The following PRKG1 variants were observed in gnomAD, a reference collection of about 807,000 sequenced individuals.
PRKG1 encodes the protein protein kinase cGMP-dependent 1, also known as cGMP-dependent protein kinase 1.
A neutral mutation model predicts 88.1 loss-of-function variants in PRKG1; 35 were observed. The observed-to-expected ratio is 0.40, with a 90% CI of 0.30 to 0.53. The LOEUF (loss-of-function observed/expected upper bound fraction) is 0.53, where lower values mean the gene tolerates loss of function less well. PRKG1 is among the 20% of genes least tolerant of loss of function. The pLI, the probability that PRKG1 is intolerant of heterozygous loss-of-function variation, is 0.59. For synonymous variants in PRKG1, 303 were observed against 292.5 expected, an observed-to-expected ratio of 1.04 and a Z score of -0.37; for missense variants, 540 against 839.8, an observed-to-expected ratio of 0.64 and a Z score of 4.41.
chr10:51,400,625 G>A (rs1837711842), intron 2 of PRKG1, among the ~76,000 whole-genome samples: 1 of 152,184 alleles, frequency 6.6e-6, no homozygotes, highest in South Asian at 2.1e-4. Context: ...TGTAACTATA[G>A]TGAAAAATAA....
At chr10:51,211,299 A>G (rs996152465) in intron 2 of PRKG1, among the ~76,000 whole-genome samples, 3 of 152,204 alleles carry the variant, frequency 2.0e-5, no homozygotes, top group South Asian at 2.1e-4. Flanking sequence ...TAAATTAGGT[A>G]TTGATGGGAC....
chr10:52,183,544 G>A (rs1418727872), intron 9 of PRKG1, among the ~76,000 whole-genome samples: 1 of 152,170 alleles, frequency 6.6e-6, no homozygotes, highest in Non-Finnish European at 1.5e-5. Flanking sequence ...TACCGTCCAG[G>A]GCCAGAGTCA....
chr10:51,352,735 C>T (rs748825743), intron 2 of PRKG1, among the ~76,000 whole-genome samples: 12 of 151,884 alleles, frequency 7.9e-5, no homozygotes, highest in Admixed American at 1.3e-4. Flanking sequence ...ATACTAATGC[C>T]GTCCTTCATA....
chr10:51,804,814 G>C lies in PRKG1; in HGVS notation c.698+124G>C, dbSNP rs1228671076. ...CTCTCAGTCATAATAGTCTACAAAT[G>C]TGTAGAGATGTAAGACTTCGAACAT... is the stretch of plus-strand genomic sequence containing the variant. On this transcript the variant is annotated intron_variant, in intron 4 of 17. Coordinates refer to ENST00000373980, the MANE Select transcript of PRKG1 (RefSeq NM_006258.4). 19 of 638,476 alleles carry C rather than the reference G, an allele frequency of 3.0e-5. No homozygotes were observed. The Admixed American group carries it at 5.7e-4, about 19-fold the overall frequency. The allele number at this position is 638,476 out of a possible 1,614,324, so 39.6% of individuals were successfully genotyped here. A position where few individuals can be genotyped will look rare whatever the true frequency, so the allele number is the denominator to read the frequency against.
intron 2 of PRKG1, among the ~76,000 whole-genome samples, chr10:51,379,487 C>A (rs1842878077): frequency 6.6e-6 from 1 of 152,296 alleles, no homozygotes; most frequent in African/African-American, 2.4e-5. Flanking sequence ...AAATGAACAT[C>A]TTTCCAATTA....
chr10:51,034,669 TATATATATATA>T lies in PRKG1; in HGVS notation c.266+43026_266+43036del, dbSNP rs1257373198. ...GCAAAATTATATATAATATGTTATTTATATATATATATATATATATATATATATATATATAT... is the reference window on the plus strand; with the variant it reads ...GCAAAATTATATATAATATGTTATTTTATATATATATATATATATATATAT... On this transcript the variant is annotated intron_variant, in intron 1 of 17. Transcript: ENST00000401604. Among the ~76,000 whole-genome samples the T allele has an allele frequency of 8.0e-3, 235 of 29,216 alleles. 10 individuals are homozygous for T. The highest frequency in any genetic ancestry group is 0.015 in the African/African-American group (210 of 13,680). The allele number at this position is 29,216 out of a possible 152,430, so 19.2% of individuals were successfully genotyped here. A position where few individuals can be genotyped will look rare whatever the true frequency, so the allele number is the denominator to read the frequency against.
intron 3 of PRKG1, among the ~76,000 whole-genome samples, chr10:51,771,447 G>A (rs775362668): frequency 6.6e-6 from 1 of 152,200 alleles, no homozygotes; most frequent in Non-Finnish European, 1.5e-5. Flanking sequence ...GGGATGGACA[G>A]AGCACTGCAT....
chr10:52,161,567 T>C (rs1838276716), intron 8 of PRKG1, among the ~76,000 whole-genome samples: 2 of 152,100 alleles, frequency 1.3e-5, no homozygotes, highest in African/African-American at 2.4e-5. Context: ...CTGATTAACT[T>C]TGTGGTGTAT....
At chr10:52,248,550 T>C (rs1056816893) in intron 9 of PRKG1, among the ~76,000 whole-genome samples, 7 of 152,154 alleles carry the variant, frequency 4.6e-5, no homozygotes, top group African/African-American at 1.7e-4. Flanking sequence ...CTAGTAATGT[T>C]AGCAAAGTAA....
intron 7 of PRKG1, among the ~76,000 whole-genome samples, chr10:52,068,202 C>CAA (rs71032621): frequency 0.09 from 3,478 of 38,540 alleles, 340 homozygotes; most frequent in African/African-American, 0.14. Context: ...AACTCCGTCT[C>CAA]AAAAAAAAAA....
At chr10:51,041,408 C>T (rs1843419520) in intron 1 of PRKG1, among the ~76,000 whole-genome samples, 1 of 152,184 alleles carries the variant, frequency 6.6e-6, no homozygotes, top group Admixed American at 6.5e-5. Flanking sequence ...CCCATAGCCA[C>T]CACGGCTGGG....
intron 2 of PRKG1, among the ~76,000 whole-genome samples, chr10:51,321,258 CAGTT>C (rs567398980): frequency 2.0e-5 from 3 of 152,140 alleles, no homozygotes; most frequent in Non-Finnish European, 2.9e-5. Flanking sequence ...CTCCAAGACT[CAGTT>C]AGCTCATCTA....
At chr10:51,741,145 G>GA (rs35810235) in intron 3 of PRKG1, among the ~76,000 whole-genome samples, 29,288 of 147,444 alleles carry the variant, frequency 0.2, 2,962 homozygotes, top group African/African-American at 0.26. Context: ...AACCTTTGGT[G>GA]AAAAAAAAAA....
intron 2 of PRKG1, among the ~76,000 whole-genome samples, chr10:51,260,855 G>C (rs1473797809): frequency 1.3e-5 from 2 of 152,150 alleles, no homozygotes; most frequent in East Asian, 1.9e-4. Flanking sequence ...ATTTCTAAGA[G>C]AGAATATTTA....
At chr10:51,825,157 T>C (rs954712277) in intron 4 of PRKG1, among the ~76,000 whole-genome samples, 1 of 152,186 alleles carries the variant, frequency 6.6e-6, no homozygotes, top group Non-Finnish European at 1.5e-5. Context: ...ATGTTAGTTA[T>C]TGAAGTTGGA....
At chr10:52,156,669 G>A (rs998484165) in intron 8 of PRKG1, among the ~76,000 whole-genome samples, 4 of 151,676 alleles carry the variant, frequency 2.6e-5, no homozygotes, top group South Asian at 2.1e-4. Flanking sequence ...TGATTGTCCC[G>A]TTATAAATAA....
chr10:51,032,745 ACT>A (rs930090441), intron 1 of PRKG1, among the ~76,000 whole-genome samples: 16 of 151,846 alleles, frequency 1.1e-4, no homozygotes, highest in Non-Finnish European at 1.5e-4. Context: ...TGGGGGGGTG[ACT>A]CTGTCTCAAA....
chr10:51,714,257 C>G (rs113750364), intron 3 of PRKG1, among the ~76,000 whole-genome samples: 3,556 of 152,272 alleles, frequency 0.023, 147 homozygotes, highest in African/African-American at 0.08. Context: ...GGATTACAGG[C>G]GTGAGCCACT....
intron 7 of PRKG1, among the ~76,000 whole-genome samples, chr10:52,104,375 T>C (rs937849294): frequency 1.3e-5 from 2 of 152,128 alleles, no homozygotes; most frequent in Admixed American, 1.3e-4. Context: ...GCCTTATTTC[T>C]ATACAATGCT....
Sources: allele counts gnomAD v4.1 joint callset (sites outside exome capture counted in the v4.1 genomes callset), GRCh38; gene constraint gnomAD v4.1.1; transcripts MANE v1.5; gene names NCBI Gene and HGNC (gene_info 2026-07-23, HGNC 2026-07-21).